KIAA1217: variants seen among roughly 807,000 people sequenced by gnomAD.
KIAA1217 encodes the protein KIAA1217, also known as sickle tail protein homolog.
In KIAA1217, 88 loss-of-function variants were observed where a neutral mutation model predicts 163.9. The observed-to-expected ratio is 0.54, with a 90% CI of 0.45 to 0.64. The LOEUF (loss-of-function observed/expected upper bound fraction) is 0.64. Ranked by LOEUF, KIAA1217 falls within the 30% of genes least tolerant of loss-of-function variation. The pLI, the probability that KIAA1217 is intolerant of heterozygous loss-of-function variation, is 0.00. For missense variants in KIAA1217, 2,372 were observed against 2,475.0 expected (o/e 0.96, Z 0.88); for synonymous variants, 903 against 923.1 (o/e 0.98, Z 0.39).
chr10:24,030,870 A>C (rs995723492), intron 2 of KIAA1217, among the ~76,000 whole-genome samples: 20 of 152,222 alleles, frequency 1.3e-4, no homozygotes, highest in African/African-American at 4.8e-4. Flanking sequence ...AGGCTAAAGA[A>C]TATTCCATTT....
intron 6 of KIAA1217, among the ~76,000 whole-genome samples, chr10:24,489,641 C>T (rs1320022936): frequency 6.6e-6 from 1 of 151,760 alleles, no homozygotes; most frequent in Non-Finnish European, 1.5e-5. Flanking sequence ...AGGCCGATCT[C>T]GCTTGAGTCC....
chr10:24,458,274 T>G (rs2132508922), intron 5 of KIAA1217, among the ~76,000 whole-genome samples: 1 of 152,350 alleles, frequency 6.6e-6, no homozygotes, highest in East Asian at 1.9e-4. Flanking sequence ...GACTTGCTAT[T>G]TGAACTGAAA....
intron 1 of KIAA1217, among the ~76,000 whole-genome samples, chr10:23,846,755 G>A (rs937481950): frequency 6.6e-6 from 1 of 152,276 alleles, no homozygotes; most frequent in African/African-American, 2.4e-5. Flanking sequence ...GCCCTGGCCA[G>A]AACTTCCAAC....
At chr10:24,380,082 C>A (rs1296598465) in intron 2 of KIAA1217, among the ~76,000 whole-genome samples, 2 of 151,902 alleles carry the variant, frequency 1.3e-5, no homozygotes, top group African/African-American at 4.8e-5. Flanking sequence ...AAAAATCTCC[C>A]TTGCAATGTG....
At chr10:23,997,990 T>A (rs922807962) in intron 1 of KIAA1217, among the ~76,000 whole-genome samples, 3 of 151,264 alleles carry the variant, frequency 2.0e-5, no homozygotes, top group African/African-American at 7.3e-5. Context: ...TTTCTTTTTT[T>A]TTTTCCCCCC....
At chr10:23,989,825 T>C (rs1208463728) in intron 1 of KIAA1217, among the ~76,000 whole-genome samples, 2 of 152,092 alleles carry the variant, frequency 1.3e-5, no homozygotes, top group African/African-American at 4.8e-5. Flanking sequence ...AGAGTTTAGG[T>C]TTATGGGAGG....
rs1554811331 is a variant in KIAA1217 at position 24,315,931 on chromosome 10, G to GGA, written c.355-64937_355-64936insAG. Among the ~76,000 whole-genome samples, 7 of 66,908 alleles carry GGA rather than the reference G, an allele frequency of 1.0e-4. No homozygotes were observed. The East Asian group carries it at 1.9e-3, about 18-fold the overall frequency. 43.9% of individuals were successfully genotyped at this position (66,908 alleles called of 152,430 possible). ...AAGTTTATCTTTATTTTATCTAATG[G>GGA]GGGGGGGGAATCCAAGGAGCTTTTT... On this transcript the variant is annotated intron_variant, in intron 2 of 20. Transcript: ENST00000376454.
intron 2 of KIAA1217, among the ~76,000 whole-genome samples, chr10:24,360,040 C>CATTTTTTTTTTTTTTTTT (rs55881849): frequency 2.1e-5 from 2 of 94,282 alleles, no homozygotes; most frequent in Non-Finnish European, 1.9e-5. Flanking sequence ...GATATAATTA[C>CATTTTTTTTTTTTTTTTT]TTTTTTTTTT....
At chr10:24,163,306 G>C (rs1446010778) in intron 2 of KIAA1217, among the ~76,000 whole-genome samples, 1 of 152,168 alleles carries the variant, frequency 6.6e-6, no homozygotes, top group Non-Finnish European at 1.5e-5. Flanking sequence ...TTGGAATGCT[G>C]GTTAACCTTT....
At chr10:23,952,506 A>G (rs988996620) in intron 1 of KIAA1217, among the ~76,000 whole-genome samples, 3 of 152,214 alleles carry the variant, frequency 2.0e-5, no homozygotes, top group Non-Finnish European at 4.4e-5. Context: ...AATTCTAAGT[A>G]CCTGAATGCT....
chr10:24,421,926 C>A (rs72776763), intron 3 of KIAA1217, among the ~76,000 whole-genome samples: 12 of 151,980 alleles, frequency 7.9e-5, no homozygotes, highest in Non-Finnish European at 1.5e-4. Flanking sequence ...TCTATGTCTT[C>A]GTCTGTTCTC....
At chr10:24,341,960 T>C (rs2047155865) in intron 2 of KIAA1217, among the ~76,000 whole-genome samples, 2 of 151,996 alleles carry the variant, frequency 1.3e-5, no homozygotes, top group Non-Finnish European at 2.9e-5. Flanking sequence ...TTGAAAAGAG[T>C]GTTGATATAC....
chr10:24,101,715 T>C (rs996860776), intron 2 of KIAA1217, among the ~76,000 whole-genome samples: 1 of 152,232 alleles, frequency 6.6e-6, no homozygotes, highest in Admixed American at 6.5e-5. Flanking sequence ...GTAAAAATGA[T>C]AATTTCATAA....
chr10:24,175,067 G>C (rs776409945), intron 2 of KIAA1217, among the ~76,000 whole-genome samples: 1 of 150,946 alleles, frequency 6.6e-6, no homozygotes, highest in Non-Finnish European at 1.5e-5. Context: ...TCACTATGTT[G>C]GCCAGCGTGG....
At chr10:23,785,174 C>A (rs1835435522) in intron 1 of KIAA1217, among the ~76,000 whole-genome samples, 1 of 152,202 alleles carries the variant, frequency 6.6e-6, no homozygotes, top group Admixed American at 6.5e-5. Flanking sequence ...CACTCTCCAG[C>A]ATAATCATGT....
At chr10:23,707,428 T>C (rs949497391) in intron 1 of KIAA1217, among the ~76,000 whole-genome samples, 6 of 152,120 alleles carry the variant, frequency 3.9e-5, no homozygotes, top group Non-Finnish European at 7.4e-5. Flanking sequence ...GAGCAGTGTG[T>C]TTTCACTTTT....
chr10:23,704,175 T>C (rs1337386455), intron 1 of KIAA1217, among the ~76,000 whole-genome samples: 2 of 32,296 alleles, frequency 6.2e-5, no homozygotes, highest in Non-Finnish European at 1.4e-4. Flanking sequence ...TGTGTGTGTA[T>C]ATATATATAT....
intron 2 of KIAA1217, among the ~76,000 whole-genome samples, chr10:24,097,904 C>T (rs1232914431): frequency 2.0e-5 from 3 of 152,058 alleles, no homozygotes; most frequent in Non-Finnish European, 4.4e-5. Flanking sequence ...AGCCACGGCA[C>T]CAATGGGGAG....
rs1278054539 is a variant in KIAA1217, at chr10:24,397,580, G to C, written c.553+16513G>C. On this transcript the variant is annotated intron_variant, in intron 3 of 20. Coordinates refer to ENST00000376454, the MANE Select transcript of KIAA1217 (RefSeq NM_019590.5). ...TGTACGAAAAAGTAAAAACGACAAA[G>C]ATCTTATCTGGATAACTGGGAGAGT... is the stretch of plus-strand genomic sequence containing the variant. Among the ~76,000 whole-genome samples the C allele has an allele frequency of 2.0e-5, 3 of 152,110 alleles. No individual in the cohort carries two copies. In the East Asian group the frequency reaches 5.8e-4, roughly 29 times the overall value.
Sources: gnomAD v4.1 joint callset for allele counts (sites outside exome capture counted in the v4.1 genomes callset) on GRCh38, gnomAD v4.1.1 for gene constraint, MANE v1.5 for transcripts, NCBI Gene and HGNC (gene_info 2026-07-23, HGNC 2026-07-21) for gene names.